Variants in TIAM1 observed in about 807,000 individuals in gnomAD.
The protein encoded by TIAM1 is TIAM Rac1 associated GEF 1, also known as rho guanine nucleotide exchange factor TIAM1.
A neutral mutation model predicts 163.5 loss-of-function variants in TIAM1; 65 were observed. The ratio of observed to expected loss-of-function variants is 0.40; its 90% confidence interval spans 0.33 to 0.49. The LOEUF (loss-of-function observed/expected upper bound fraction) is 0.49, where lower values mean the gene tolerates loss of function less well. Among genes scored for constraint, TIAM1 ranks in the 20% least tolerant of loss-of-function variants. TIAM1 has a pLI of 0.77. For missense variants in TIAM1, 1,789 were observed against 2,044.7 expected, an observed-to-expected ratio of 0.87 and a Z score of 2.41; for synonymous variants, 833 against 810.1, an observed-to-expected ratio of 1.03 and a Z score of -0.48.
At chr21:31,299,119 T>C (rs2074407389) in intron 2 of TIAM1, among the ~76,000 whole-genome samples, 1 of 152,216 alleles carries the variant, frequency 6.6e-6, no homozygotes, top group Non-Finnish European at 1.5e-5. Flanking sequence ...GTTTCTTGTC[T>C]TGTTTTGTTA....
At chr21:31,202,087 C>T (rs1433474553) in intron 12 of TIAM1, among the ~76,000 whole-genome samples, 1 of 151,964 alleles carries the variant, frequency 6.6e-6, no homozygotes, top group Non-Finnish European at 1.5e-5. Context: ...ATGTAAATGT[C>T]CCCGAGAAGC....
rs141140172 is a variant in TIAM1, at chr21:31,296,864, C to T, written c.-188-19956G>A. The stretch of plus-strand genomic sequence containing the variant: ...ATTTTTAGTAGAGATGGGGTTTCAT[C>T]GTGTTAGCCAGGATGGTCTTGATTT... On this transcript the variant is annotated intron_variant, in intron 2 of 27. Transcript: ENST00000541036. Among the ~76,000 whole-genome samples the T allele has an allele frequency of 4.6e-5, 7 of 152,152 alleles. No homozygotes were observed. The South Asian group carries it at 8.3e-4, about 18-fold the overall frequency.
At chr21:31,445,217 G>GAA in intron 2 of TIAM1, among the ~76,000 whole-genome samples, 1 of 152,182 alleles carries the variant, frequency 6.6e-6, no homozygotes, top group Non-Finnish European at 1.5e-5. Flanking sequence ...GCAACACACG[G>GAA]AAACTCCAAG....
intron 2 of TIAM1, among the ~76,000 whole-genome samples, chr21:31,323,181 G>A (rs1397198717): frequency 6.6e-6 from 1 of 151,916 alleles, no homozygotes; most frequent in African/African-American, 2.4e-5. Context: ...CCAGCTACTC[G>A]GGAGGCTGAG....
intron 27 of TIAM1, among the ~76,000 whole-genome samples, chr21:31,122,063 C>T (rs940886495): frequency 3.3e-5 from 5 of 152,136 alleles, no homozygotes; most frequent in South Asian, 2.1e-4. Context: ...GCCTTGACTT[C>T]GAACCCAGCA....
chr21:31,370,353 A>G (rs1392024541), intron 2 of TIAM1, among the ~76,000 whole-genome samples: 9 of 152,198 alleles, frequency 5.9e-5, no homozygotes, highest in African/African-American at 2.2e-4. Flanking sequence ...TTATTTTTTG[A>G]ACCCAGACAG....
chr21:31,457,399 G>A (rs1003649119), intron 2 of TIAM1, among the ~76,000 whole-genome samples: 4 of 152,096 alleles, frequency 2.6e-5, no homozygotes, highest in African/African-American at 9.7e-5. Flanking sequence ...ACATTAACAG[G>A]ACATTTAATA....
chr21:31,138,544 A>C (rs2082711372), intron 22 of TIAM1, among the ~76,000 whole-genome samples: 1 of 152,218 alleles, frequency 6.6e-6, no homozygotes, highest in African/African-American at 2.4e-5. Context: ...ACTTTTGTGA[A>C]AATCTGAATA....
At position 31,151,985 on chromosome 21, in the gene TIAM1, G is replaced by A. The variant is rs906629865; in HGVS notation, c.3366+651C>T. Among the ~76,000 whole-genome samples, 70 of 148,538 alleles carry A rather than the reference G, an allele frequency of 4.7e-4. 1 individual carries two copies. Among genetic ancestry groups the A allele is most frequent in the Middle Eastern group, 3.6e-3 (1 of 278 alleles). ...CATTAAGCAAAGTTTCCCAGAACAC[G>A]ATAAATTAATTTGTTTACTGGGTAA... On this transcript the variant is annotated intron_variant, in intron 19 of 27. Transcript: ENST00000541036.
intron 2 of TIAM1, among the ~76,000 whole-genome samples, chr21:31,280,611 G>A (rs2073506571): frequency 1.3e-5 from 2 of 152,156 alleles, no homozygotes; most frequent in African/African-American, 4.8e-5. Flanking sequence ...TGTACTGGAA[G>A]TATTACCAAA....
intron 2 of TIAM1, among the ~76,000 whole-genome samples, chr21:31,403,295 G>C (rs958338066): frequency 1.3e-5 from 2 of 151,954 alleles, no homozygotes; most frequent in African/African-American, 4.8e-5. Flanking sequence ...CTACAGACGC[G>C]TGCCACCACA....
intron 2 of TIAM1, among the ~76,000 whole-genome samples, chr21:31,394,707 C>T (rs995390030): frequency 1.2e-4 from 11 of 88,066 alleles, no homozygotes; most frequent in South Asian, 4.7e-4. Context: ...CTCTCTCTCT[C>T]GCTCTCTCTC....
At chr21:31,416,914 A>C (rs2147251219) in intron 2 of TIAM1, among the ~76,000 whole-genome samples, 1 of 152,366 alleles carries the variant, frequency 6.6e-6, no homozygotes, top group Non-Finnish European at 1.5e-5. Flanking sequence ...CCGAATCAAC[A>C]AGTCAAAGGA....
intron 1 of TIAM1, among the ~76,000 whole-genome samples, chr21:31,530,889 TA>T (rs148701635): frequency 5.3e-5 from 8 of 150,972 alleles, no homozygotes; most frequent in East Asian, 1.9e-4. Flanking sequence ...ATTTAGAGGT[TA>T]AAAAAAAATG....
intron 1 of TIAM1, among the ~76,000 whole-genome samples, chr21:31,492,468 T>A (rs2046501205): frequency 6.6e-6 from 1 of 152,084 alleles, no homozygotes; most frequent in South Asian, 2.1e-4. Flanking sequence ...ATTGTGTAAA[T>A]TTACACAAAG....
chr21:31,441,740 A>G (rs1309947624), intron 2 of TIAM1, among the ~76,000 whole-genome samples: 1 of 152,084 alleles, frequency 6.6e-6, no homozygotes, highest in Non-Finnish European at 1.5e-5. Context: ...TTGTTAAAAG[A>G]GTAATGAAGA....
chr21:31,338,104 GA>G (rs1377238899), intron 2 of TIAM1, among the ~76,000 whole-genome samples: 2 of 152,168 alleles, frequency 1.3e-5, no homozygotes, highest in African/African-American at 2.4e-5. Context: ...GCCCTTGAAA[GA>G]AAGGTTTCTC....
intron 1 of TIAM1, among the ~76,000 whole-genome samples, chr21:31,491,250 C>T (rs1295424166): frequency 6.6e-6 from 1 of 152,196 alleles, no homozygotes; most frequent in African/African-American, 2.4e-5. Flanking sequence ...GATTCTGATG[C>T]CATCACTGCA....
chr21:31,215,153 A>T (rs2087110737), intron 9 of TIAM1, among the ~76,000 whole-genome samples: 3 of 152,102 alleles, frequency 2.0e-5, no homozygotes, highest in Non-Finnish European at 2.9e-5. Context: ...GCGGTAACAT[A>T]ACCTGGTGCC....
Sources: allele counts gnomAD v4.1 joint callset (sites outside exome capture counted in the v4.1 genomes callset), GRCh38; gene constraint gnomAD v4.1.1; transcripts MANE v1.5; gene names NCBI Gene and HGNC (gene_info 2026-07-23, HGNC 2026-07-21).